ACYP2: variants seen among roughly 807,000 people sequenced by gnomAD.
ACYP2 encodes the protein acylphosphatase-2.
A neutral mutation model predicts 11.2 loss-of-function variants in ACYP2; 12 were observed. That is an observed-to-expected ratio of 1.08 (90% CI 0.69 to 1.74). The LOEUF is 1.74. Ranked by LOEUF, ACYP2 falls within the 40% of genes most tolerant of loss-of-function variation. ACYP2 has a pLI of 0.00. For missense variants in ACYP2, 134 were observed against 101.9 expected (o/e 1.31, Z -1.35); for synonymous variants, 43 against 32.2 (o/e 1.33, Z -1.13).
chr2:54,035,255 T>G (rs904569317), intron 2 of ACYP2, among the ~76,000 whole-genome samples: 4 of 146,394 alleles, frequency 2.7e-5, no homozygotes, highest in Admixed American at 1.4e-4. Context: ...GACAATTTCT[T>G]TTTCTTTTTC....
chr2:53,998,181 A>G (rs1672659924), intron 2 of ACYP2, among the ~76,000 whole-genome samples: 1 of 152,210 alleles, frequency 6.6e-6, no homozygotes, highest in Non-Finnish European at 1.5e-5. Context: ...GGCAAGTAGT[A>G]GGTCACTGGT....
intron 4 of ACYP2, among the ~76,000 whole-genome samples, chr2:54,101,717 T>G (rs913870702): frequency 6.6e-6 from 1 of 151,706 alleles, no homozygotes; most frequent in African/African-American, 2.4e-5. Context: ...GTGTAATCTA[T>G]CTTTCCTTCC....
intron 6 of ACYP2, among the ~76,000 whole-genome samples, chr2:54,184,318 G>T (rs905433568): frequency 6.6e-6 from 1 of 152,090 alleles, no homozygotes; most frequent in Non-Finnish European, 1.5e-5. Context: ...AGTTCTAAGC[G>T]CCACATTCGG....
intron 6 of ACYP2, among the ~76,000 whole-genome samples, chr2:54,295,146 A>T (rs1689474413): frequency 1.3e-5 from 2 of 152,160 alleles, no homozygotes; most frequent in African/African-American, 4.8e-5. Context: ...ATTCTGGGTA[A>T]AGCCAGTTAC....
intron 6 of ACYP2, among the ~76,000 whole-genome samples, chr2:54,169,283 C>T (rs1430389704): frequency 6.6e-6 from 1 of 152,088 alleles, no homozygotes; most frequent in East Asian, 1.9e-4. Context: ...TTTGTTAGGT[C>T]TGTCTGATTT....
intron 6 of ACYP2, among the ~76,000 whole-genome samples, chr2:54,186,523 C>T (rs956632024): frequency 4.0e-5 from 6 of 151,884 alleles, no homozygotes; most frequent in East Asian, 1.9e-4. Flanking sequence ...TTGTTGTTAT[C>T]GTTTTCAGAG....
intron 2 of ACYP2, among the ~76,000 whole-genome samples, chr2:54,025,368 G>C (rs1394612746): frequency 1.3e-5 from 2 of 152,118 alleles, no homozygotes; most frequent in Non-Finnish European, 2.9e-5. Flanking sequence ...GCATGGTATT[G>C]GCATAAAAAT....
intron 6 of ACYP2, among the ~76,000 whole-genome samples, chr2:54,150,757 T>TTG (rs1682124172): frequency 8.1e-6 from 1 of 122,746 alleles, no homozygotes; most frequent in Non-Finnish European, 1.7e-5. Context: ...TTTTTTTTTT[T>TTG]GTGAGACGGA....
intron 6 of ACYP2, among the ~76,000 whole-genome samples, chr2:54,264,734 G>A (rs561549031): frequency 6.6e-6 from 1 of 152,306 alleles, no homozygotes; most frequent in East Asian, 1.9e-4. Flanking sequence ...GTTTCAACAA[G>A]ATACATGATC....
At chr2:54,061,367 G>T (rs1676461550) in intron 4 of ACYP2, among the ~76,000 whole-genome samples, 1 of 152,120 alleles carries the variant, frequency 6.6e-6, no homozygotes, top group Non-Finnish European at 1.5e-5. Flanking sequence ...TGTGGTTCTG[G>T]TGGGGCTGCC....
At chr2:54,030,411 T>A (rs183804527) in intron 2 of ACYP2, among the ~76,000 whole-genome samples, 29 of 152,314 alleles carry the variant, frequency 1.9e-4, no homozygotes, top group Non-Finnish European at 1.5e-5. Context: ...ACCATATGTT[T>A]CATTTCTAGC....
At chr2:54,301,524 G>A (rs1689727705) in intron 6 of ACYP2, among the ~76,000 whole-genome samples, 2 of 151,792 alleles carry the variant, frequency 1.3e-5, no homozygotes, top group African/African-American at 2.4e-5. Flanking sequence ...AAATCTCTAT[G>A]TATGCCCTCC....
chr2:54,037,506 G>C (rs77805752), intron 2 of ACYP2, among the ~76,000 whole-genome samples: 14,216 of 152,000 alleles, frequency 0.094, 889 homozygotes, highest in African/African-American at 0.18. Context: ...AACCTCCTAG[G>C]CTCGAGCAAT....
chr2:54,030,521 C>T (rs571693718), intron 2 of ACYP2: 17 of 154,722 alleles, frequency 1.1e-4, no homozygotes, highest in African/African-American at 4.1e-4. Flanking sequence ...CTATGCAGGC[C>T]TGTCTGTGTG....
At chr2:54,070,384 T>A (rs1424357722) in intron 4 of ACYP2, among the ~76,000 whole-genome samples, 1 of 152,236 alleles carries the variant, frequency 6.6e-6, no homozygotes, top group African/African-American at 2.4e-5. Flanking sequence ...TTCTTATTCA[T>A]GTTAAATCAT....
intron 2 of ACYP2, among the ~76,000 whole-genome samples, chr2:54,015,679 ACACACAC>A (rs1558473107): frequency 2.0e-5 from 3 of 151,004 alleles, no homozygotes; most frequent in African/African-American, 7.4e-5. Flanking sequence ...ACACACACAC[ACACACAC>A]ACGGCAGAAT....
intron 4 of ACYP2, among the ~76,000 whole-genome samples, chr2:54,121,386 A>G (rs547219848): frequency 4.6e-5 from 7 of 152,266 alleles, no homozygotes; most frequent in African/African-American, 1.7e-4. Flanking sequence ...TGTGGACTCC[A>G]CCTGGAACTG....
At chr2:54,143,760 G>C (rs1474507139) in intron 6 of ACYP2, among the ~76,000 whole-genome samples, 29 of 129,916 alleles carry the variant, frequency 2.2e-4, no homozygotes, top group African/African-American at 5.3e-4. Context: ...TTTTTTTTGG[G>C]GGGGGGGTAT....
At chr2:54,288,533 T>C (rs758188723) in intron 6 of ACYP2, among the ~76,000 whole-genome samples, 3 of 152,076 alleles carry the variant, frequency 2.0e-5, no homozygotes, top group Non-Finnish European at 4.4e-5. Flanking sequence ...TTAGTGCATT[T>C]CCCTCAAAAG....
Sources: gnomAD v4.1 joint callset for allele counts (sites outside exome capture counted in the v4.1 genomes callset) on GRCh38, gnomAD v4.1.1 for gene constraint, MANE v1.5 for transcripts, NCBI Gene and HGNC (gene_info 2026-07-23, HGNC 2026-07-21) for gene names.